The following PCDHA5 variants were observed in gnomAD, a reference collection of about 807,000 sequenced individuals.
The protein encoded by PCDHA5 is protocadherin alpha 5.
In PCDHA5, 43 loss-of-function variants were observed where a neutral mutation model predicts 61.6. The ratio of observed to expected loss-of-function variants is 0.70; its 90% CI spans 0.55 to 0.90. The LOEUF is 0.90. PCDHA5 is among the 40% of genes least tolerant of loss of function. PCDHA5 has a pLI of 0.00. For missense variants in PCDHA5, 1,298 were observed against 1,222.7 expected, an observed-to-expected ratio of 1.06 and a Z score of -0.92; for synonymous variants, 627 against 543.9, an observed-to-expected ratio of 1.15 and a Z score of -2.13.
chr5:140,992,418 A>G (rs2097510878), intron 3 of PCDHA5, among the ~76,000 whole-genome samples: 1 of 152,164 alleles, frequency 6.6e-6, no homozygotes, highest in South Asian at 2.1e-4. Flanking sequence ...CCCCAGGTCT[A>G]AGAATATTGT....
At chr5:140,856,434 C>G (rs551569829) in intron 1 of PCDHA5, 1 of 1,598,320 alleles carries the variant, frequency 6.3e-7, no homozygotes, top group South Asian at 1.1e-5. Context: ...AACGACAACC[C>G]GCCCAGGTTC....
In PCDHA5 at chr5:140,927,334, G is replaced by A. The variant is rs201745433; in HGVS notation, c.2353-51615G>A. The A allele has an allele frequency of 4.6e-5, 74 of 1,614,180 alleles. No individual in the cohort carries two copies. Among genetic ancestry groups the A allele is most frequent in the Non-Finnish European group, 5.9e-5 (70 of 1,180,032 alleles). ...CGGAGCCCGCTTTACTCTCCCGAAT[G>A]CCCAAGATGACGACGAGGGAAGCAA... On this transcript the variant is annotated intron_variant, in intron 1 of 3. Transcript: ENST00000529859.
chr5:140,849,126 T>C, intron 1 of PCDHA5: 1 of 1,386,260 alleles, frequency 7.2e-7, no homozygotes, highest in East Asian at 2.4e-5. Flanking sequence ...GCTTCATTTA[T>C]TGCTCACGGC....
At chr5:140,942,361 G>A (rs1554214935) in intron 1 of PCDHA5, among the ~76,000 whole-genome samples, 1 of 151,920 alleles carries the variant, frequency 6.6e-6, no homozygotes, top group East Asian at 1.9e-4. Context: ...GCAGTTAACG[G>A]AGATTGCACC....
Position 140,821,782 on chromosome 5 carries a change from T to C in PCDHA5, c.7T>C (p.Tyr3His). 6.2e-7 allele frequency: 1 copy of C among 1,610,160 alleles called. No homozygotes were observed. The change falls in exon 1 of 4, where the codon TAT becomes CAT. Residue 3 changes from tyrosine (Y) to histidine (H), a missense_variant. Tyr to His is a moderately conservative substitution (Grantham distance 83, BLOSUM62 2). Coordinates refer to ENST00000529859, the MANE Select transcript of PCDHA5 (RefSeq NM_018908.3). ...TAATTGGAACGAGATTGAGATGGTA[T>C]ATTCCCGGAGAGGAAGTCTGGGATC... MV[Y>H]SRRGSLGSRL...
In PCDHA5 at chr5:140,824,104, CAG is replaced by C; in HGVS notation, c.2330_2331del (p.Gln777ArgfsTer14). The C allele has an allele frequency of 6.2e-7, 1 of 1,614,126 alleles. No individual in the cohort carries two copies. Among genetic ancestry groups the C allele is most frequent in the Non-Finnish European group, 8.5e-7 (1 of 1,179,946 alleles). On this transcript the variant is annotated frameshift_variant, in exon 1 of 4. Transcript: ENST00000529859. LOFTEE classifies it high-confidence loss of function. Reference protein sequence around the residue: ...DLMAFSPSLPQGPTSTDNPRQ... With the variant: ...DLMAFSPSLPXGPTSTDNPRQ... ...CATGGCCTTCAGTCCAAGCCTTCCT[CAG>C]GGTCCCACCTCTACAGACAACGTGA...
At chr5:140,834,511 A>T in intron 1 of PCDHA5, 1 of 1,614,070 alleles carries the variant, frequency 6.2e-7, no homozygotes, top group East Asian at 2.2e-5. Flanking sequence ...AAACATGGCA[A>T]CTTCGTGGGC....
intron 3 of PCDHA5, among the ~76,000 whole-genome samples, chr5:141,008,680 T>C (rs2098386787): frequency 6.6e-6 from 1 of 152,220 alleles, no homozygotes; most frequent in Non-Finnish European, 1.5e-5. Flanking sequence ...ATACTTTAGT[T>C]ATTGCATGTA....
intron 3 of PCDHA5, among the ~76,000 whole-genome samples, chr5:141,008,809 C>A (rs1397377778): frequency 6.6e-6 from 1 of 152,160 alleles, no homozygotes; most frequent in African/African-American, 2.4e-5. Flanking sequence ...CAAATAGGCT[C>A]AATTTACAAC....
rs1562687946 is a variant in PCDHA5 at position 140,874,243 on chromosome 5, TG to T, written c.2352+50118del. ...GTAGGAATGAATGGCAACAAATTAT[TG>T]GTTTAAAGATTTTGACTTGAGTATT... On this transcript the variant is annotated intron_variant, in intron 1 of 3. Coordinates refer to ENST00000529859, the MANE Select transcript of PCDHA5 (RefSeq NM_018908.3). 2.0e-5 allele frequency among the ~76,000 whole-genome samples: 3 copies of T among 152,230 alleles called. No homozygotes were observed. In the South Asian group the frequency reaches 6.2e-4, roughly 32 times the overall value.
At chr5:140,864,034 T>C (rs2048289814) in intron 1 of PCDHA5, 1 of 153,038 alleles carries the variant, frequency 6.5e-6, no homozygotes, top group African/African-American at 2.4e-5. Flanking sequence ...CTAGCCATCT[T>C]AATCACTTTT....
rs2150258663 is a variant in PCDHA5 at position 140,836,358 on chromosome 5, C to G, written c.2352+12231C>G. On this transcript the variant is annotated intron_variant, in intron 1 of 3. Coordinates refer to ENST00000529859, the MANE Select transcript of PCDHA5 (RefSeq NM_018908.3). ...TGTGAAGGACCACGGGGAGCCCTCGCTGACAGCCACAGCCACCGTGCTGGT... is the reference window on the plus strand; with the variant it reads ...TGTGAAGGACCACGGGGAGCCCTCGGTGACAGCCACAGCCACCGTGCTGGT... The G allele has an allele frequency of 3.9e-5, 63 of 1,613,690 alleles. No individual in the cohort carries two copies. The highest frequency in any genetic ancestry group is 3.3e-4 in the Middle Eastern group (2 of 6,062).
At chr5:140,884,588 C>G (rs1554181766) in intron 1 of PCDHA5, 1 of 1,614,152 alleles carries the variant, frequency 6.2e-7, no homozygotes, top group East Asian at 2.2e-5. Context: ...GGCCTTCAGT[C>G]CCAGCCTTCC....
In PCDHA5 at chr5:140,928,306, C is replaced by T. The variant is rs782598364; in HGVS notation, c.2353-50643C>T. 7.6e-5 allele frequency: 122 copies of T among 1,613,984 alleles called. No individual in the cohort carries two copies. The highest frequency in any genetic ancestry group is 1.8e-4 in the Admixed American group (11 of 60,002). ...TCTAGGCCGAGTGTTTGCCCAGGAC[C>T]CCGACCTGGGGAAGAATGGCCTTGT... is the stretch of plus-strand genomic sequence containing the variant. On this transcript the variant is annotated intron_variant, in intron 1 of 3. Coordinates refer to ENST00000529859, the MANE Select transcript of PCDHA5 (RefSeq NM_018908.3).
intron 1 of PCDHA5, chr5:140,830,956 A>G (rs1012180465): frequency 6.6e-6 from 1 of 152,094 alleles, no homozygotes; most frequent in Non-Finnish European, 1.5e-5. Flanking sequence ...TAACGCTTTG[A>G]TTTTATCCAT....
At chr5:140,848,855 C>T (rs2150422696) in intron 1 of PCDHA5, 6 of 1,590,444 alleles carry the variant, frequency 3.8e-6, no homozygotes, top group Non-Finnish European at 5.2e-6. Context: ...TCCATGTGGA[C>T]GTGGAGGTGA....
In PCDHA5 at chr5:140,862,537, C is replaced by A. The variant is rs56017024; in HGVS notation, c.2352+38410C>A. The A allele has an allele frequency of 9.8e-3, 4,308 of 440,540 alleles. 34 individuals carry two copies. The highest frequency in any genetic ancestry group is 0.014 in the Non-Finnish European group (3,070 of 217,342). The allele number at this position is 440,540 out of a possible 1,614,324, so 27.3% of individuals were successfully genotyped here. A position where few individuals can be genotyped will look rare whatever the true frequency, so the allele number is the denominator to read the frequency against. On this transcript the variant is annotated intron_variant, in intron 1 of 3. Transcript: ENST00000529859. The stretch of plus-strand genomic sequence containing the variant: ...CATTGTTGGCCACAGCCATCGGGTC[C>A]GTGGAAGTGGCCGAACAGTGAACCA...
intron 1 of PCDHA5, among the ~76,000 whole-genome samples, chr5:140,896,714 T>C (rs1554187081): frequency 6.6e-6 from 1 of 152,180 alleles, no homozygotes; most frequent in African/African-American, 2.4e-5. Flanking sequence ...TGTTTTTTGC[T>C]TGTTAATTTG....
intron 1 of PCDHA5, among the ~76,000 whole-genome samples, chr5:140,970,213 A>AAAT (rs1198069658): frequency 6.6e-5 from 10 of 152,242 alleles, no homozygotes; most frequent in Admixed American, 2.0e-4. Context: ...AATTTAGCTT[A>AAAT]AATGCAGCCT....
Sources: gnomAD v4.1 joint callset for allele counts (sites outside exome capture counted in the v4.1 genomes callset) on GRCh38, gnomAD v4.1.1 for gene constraint, MANE v1.5 for transcripts, NCBI Gene and HGNC (gene_info 2026-07-23, HGNC 2026-07-21) for gene names.